NDUFAB1: variants seen among roughly 807,000 people sequenced by gnomAD.
The protein encoded by NDUFAB1 is acyl carrier protein, mitochondrial.
In NDUFAB1, 5 loss-of-function variants were observed where a neutral mutation model predicts 16.1. The observed-to-expected ratio is 0.31, with a 90% confidence interval of 0.16 to 0.65. The LOEUF is 0.65. Among genes scored for constraint, NDUFAB1 ranks in the 30% least tolerant of loss-of-function variants. The pLI, the probability that NDUFAB1 is intolerant of heterozygous loss-of-function variation, is 0.77. For missense variants in NDUFAB1, 187 were observed against 205.3 expected, an observed-to-expected ratio of 0.91 and a Z score of 0.54; for synonymous variants, 85 against 78.4, an observed-to-expected ratio of 1.08 and a Z score of -0.44.
chr16:23,594,290 C>A (rs1403706973), intron 1 of NDUFAB1, among the ~76,000 whole-genome samples: 2 of 152,160 alleles, frequency 1.3e-5, no homozygotes, highest in Non-Finnish European at 2.9e-5. Context: ...ACTGGCTTCA[C>A]AAAAGAAACA....
chr16:23,581,590 C>T (rs1015953683), intron 4 of NDUFAB1, among the ~76,000 whole-genome samples: 32 of 150,152 alleles, frequency 2.1e-4, no homozygotes, highest in Non-Finnish European at 3.6e-4. Context: ...AAGCTAAAGA[C>T]TAAAAACACT....
rs1373544073 is a variant in NDUFAB1, at chr16:23,583,731, G to A, written c.380-1356C>T. Among the ~76,000 whole-genome samples, 80 of 146,274 alleles carry A rather than the reference G, an allele frequency of 5.5e-4. 13 individuals carry two copies. Among genetic ancestry groups the A allele is most frequent in the African/African-American group, 2.0e-3 (77 of 38,310 alleles). On this transcript the variant is annotated intron_variant, in intron 3 of 4. Coordinates refer to ENST00000007516, the MANE Select transcript of NDUFAB1 (RefSeq NM_005003.3). ...CGTCTGGGAAGTGAGGAGCGTCTCC[G>A]CCCGGCAGCCGCCCCGTCAGGGAGG...
intron 1 of NDUFAB1, among the ~76,000 whole-genome samples, chr16:23,594,304 G>A (rs765210016): frequency 1.1e-4 from 17 of 152,106 alleles, no homozygotes; most frequent in Non-Finnish European, 2.4e-4. Context: ...AGAAACACTT[G>A]ATGACTTCTA....
intron 1 of NDUFAB1, among the ~76,000 whole-genome samples, chr16:23,587,525 C>G (rs964475661): frequency 6.6e-6 from 1 of 152,228 alleles, no homozygotes; most frequent in Non-Finnish European, 1.5e-5. Context: ...CTCAGGCCTC[C>G]TTCCTGGGAG....
intron 2 of NDUFAB1, among the ~76,000 whole-genome samples, chr16:23,585,968 C>T (rs1430905134): frequency 1.3e-5 from 2 of 152,224 alleles, no homozygotes; most frequent in East Asian, 3.8e-4. Flanking sequence ...TGCTCTGTCA[C>T]CCAGGCTGGA....
chr16:23,593,394 C>T lies in NDUFAB1; in HGVS notation c.168+2729G>A, dbSNP rs187770864. 2.7e-4 allele frequency among the ~76,000 whole-genome samples: 41 copies of T among 152,302 alleles called. No homozygotes were observed. In the South Asian group the frequency reaches 4.4e-3, roughly 16 times the overall value. On this transcript the variant is annotated intron_variant, in intron 1 of 4. Coordinates refer to ENST00000007516, the MANE Select transcript of NDUFAB1 (RefSeq NM_005003.3). The stretch of plus-strand genomic sequence containing the variant: ...GCCAGCAAGTTGGACATAAGGGCTG[C>T]AAAGCGTTCAATGAAGATGTAAGCT...
chr16:23,583,645 C>G (rs529029453), intron 3 of NDUFAB1, among the ~76,000 whole-genome samples: 4,582 of 142,742 alleles, frequency 0.032, 498 homozygotes, highest in African/African-American at 0.063. Flanking sequence ...AGTGAGGAGC[C>G]CCTCCGCCCG....
intron 2 of NDUFAB1, among the ~76,000 whole-genome samples, chr16:23,586,176 T>C (rs1966231351): frequency 6.6e-6 from 1 of 152,154 alleles, no homozygotes; most frequent in South Asian, 2.1e-4. Context: ...TCCACCCACC[T>C]TGGCCTCCCA....
chr16:23,581,513 T>C (rs1387162600), intron 4 of NDUFAB1, among the ~76,000 whole-genome samples: 1 of 142,166 alleles, frequency 7.0e-6, no homozygotes, highest in Non-Finnish European at 1.5e-5. Context: ...GCCACTACAC[T>C]CCAGCCTGGG....
intron 1 of NDUFAB1, among the ~76,000 whole-genome samples, chr16:23,593,817 A>G (rs1966298688): frequency 6.6e-6 from 1 of 152,046 alleles, no homozygotes; most frequent in Non-Finnish European, 1.5e-5. Flanking sequence ...GGAACCAGAC[A>G]CTCATCAATT....
intron 1 of NDUFAB1, among the ~76,000 whole-genome samples, chr16:23,594,509 C>G (rs1307557729): frequency 6.6e-6 from 1 of 151,932 alleles, no homozygotes; most frequent in Non-Finnish European, 1.5e-5. Flanking sequence ...CGTGCCACCA[C>G]GCCCGGATAA....
intron 1 of NDUFAB1, among the ~76,000 whole-genome samples, chr16:23,593,878 T>G (rs1352620139): frequency 6.6e-6 from 1 of 151,150 alleles, no homozygotes; most frequent in Non-Finnish European, 1.5e-5. Context: ...ATTTATTTAT[T>G]TATTTATTTA....
intron 1 of NDUFAB1, chr16:23,595,322 G>A (rs570101253): frequency 3.4e-6 from 1 of 290,218 alleles, no homozygotes; most frequent in Non-Finnish European, 6.9e-6. Flanking sequence ...TCAGCCTCAC[G>A]CAGATTTCAT....
At chr16:23,585,819 C>A (rs1966227859) in intron 2 of NDUFAB1, among the ~76,000 whole-genome samples, 1 of 152,174 alleles carries the variant, frequency 6.6e-6, no homozygotes, top group Admixed American at 6.5e-5. Flanking sequence ...GAGGCTATAA[C>A]TGACATTTTA....
chr16:23,585,560 G>A (rs1241495624), intron 2 of NDUFAB1, 137 bp from the exon 3 acceptor site: 10 of 631,956 alleles, frequency 1.6e-5, no homozygotes, highest in South Asian at 9.1e-5. Flanking sequence ...TGTGCACAAC[G>A]TGCAGGTTTG....
chr16:23,582,497 C>A, intron 3 of NDUFAB1, 122 bp from the exon 4 acceptor site: 1 of 1,302,574 alleles, frequency 7.7e-7, no homozygotes, highest in Non-Finnish European at 9.9e-7. Flanking sequence ...CCTTGAATCC[C>A]ATATAGGTTG....
chr16:23,596,215 G>A lies in NDUFAB1; in HGVS notation c.76C>T (p.Leu26=). Residue 26 remains leucine (L), a synonymous_variant, in exon 1 of 5, where the codon CTG becomes TTG. Transcript: ENST00000007516. Reference sequence around the variant, plus strand: ...GTGCTGAGAGGCCGGGCCACGGCCAGCATCCGGACCCGGGGCAGCGGCGCA... The same window carrying A: ...GTGCTGAGAGGCCGGGCCACGGCCAACATCCGGACCCGGGGCAGCGGCGCA... ...AFAPLPRVRM[L]AVARPLSTAL... is the part of the protein sequence containing the mutation. 3.7e-6 allele frequency: 6 copies of A among 1,609,440 alleles called. No homozygotes were observed. The highest frequency in any genetic ancestry group is 5.1e-6 in the Non-Finnish European group (6 of 1,178,542).
At chr16:23,596,093 C>T (rs1369588186) in intron 1 of NDUFAB1, 30 bp downstream of exon 1, 1 of 1,596,966 alleles carries the variant, frequency 6.3e-7, no homozygotes, top group South Asian at 1.1e-5. Context: ...CTGACCCTTG[C>T]CAAGCGGCAG....
chr16:23,583,138 G>C (rs957315202), intron 3 of NDUFAB1, among the ~76,000 whole-genome samples: 2 of 152,252 alleles, frequency 1.3e-5, no homozygotes, highest in African/African-American at 2.4e-5. Context: ...GCCCAGGCTG[G>C]AGTGCAGTGG....
Sources: gnomAD v4.1 joint callset for allele counts (sites outside exome capture counted in the v4.1 genomes callset) on GRCh38, gnomAD v4.1.1 for gene constraint, MANE v1.5 for transcripts, NCBI Gene and HGNC (gene_info 2026-07-23, HGNC 2026-07-21) for gene names.